Variants in PFAS observed in about 807,000 individuals in gnomAD.
PFAS encodes the protein phosphoribosylformylglycinamidine synthase, also known as FGAM synthase.
Under a neutral mutation model 140.6 loss-of-function variants are expected in PFAS, and 97 were observed. The observed-to-expected ratio is 0.69, with a 90% CI of 0.59 to 0.82. PFAS has a LOEUF of 0.82. Among genes scored for constraint, PFAS ranks in the 40% least tolerant of loss-of-function variants. PFAS has a pLI of 0.00. For synonymous variants in PFAS, 679 were observed against 718.8 expected, an observed-to-expected ratio of 0.94 and a Z score of 0.88; for missense variants, 1,656 against 1,780.2, an observed-to-expected ratio of 0.93 and a Z score of 1.26.
rs1449770338 is a variant in PFAS, at chr17:8,256,974, C to T, written c.1075+11C>T. On this transcript the variant is annotated intron_variant, in intron 9 of 27. Transcript: ENST00000314666. ...ATCTGCATATTCCAGGTTCCATCTCCTTCCTCTCTATCCACCTTCCCTTCC... is the reference window on the plus strand; with the variant it reads ...ATCTGCATATTCCAGGTTCCATCTCTTTCCTCTCTATCCACCTTCCCTTCC... The T allele has an allele frequency of 1.2e-6, 2 of 1,613,974 alleles. No individual in the cohort carries two copies. Among genetic ancestry groups the T allele is most frequent in the Non-Finnish European group, 8.5e-7 (1 of 1,179,890 alleles).
At chr17:8,254,145 C>T (rs773469212) in intron 2 of PFAS, 21 bp from the exon 3 acceptor site, 6 of 1,614,010 alleles carry the variant, frequency 3.7e-6, no homozygotes, top group South Asian at 1.1e-5. Context: ...CTCAAGGTGT[C>T]CTTGCCCTGT....
intron 26 of PFAS, 122 bp from the exon 27 acceptor site, chr17:8,268,411 A>T: frequency 3.2e-6 from 2 of 629,242 alleles, no homozygotes; most frequent in Non-Finnish European, 5.5e-6. Context: ...GGAAGGAAGG[A>T]GGGAGGGAGG....
rs1277050985 is a variant in PFAS, at chr17:8,265,359, C to T, written c.2352C>T (p.Ala784=). Residue 784 remains alanine, a synonymous_variant, in exon 19 of 28, where the codon GCC becomes GCT. Transcript: ENST00000314666. ...LPGEGAALAD[A]CEAMVAVMAA... ...GGGAGGGCGCAGCTTTGGCGGATGCCTGTGAGGCTATGGTGGCAGTGATGG... is the reference window on the plus strand; with the variant it reads ...GGGAGGGCGCAGCTTTGGCGGATGCTTGTGAGGCTATGGTGGCAGTGATGG... 2 of 1,614,160 alleles carry T rather than the reference C, an allele frequency of 1.2e-6. No homozygotes were observed. The highest frequency in any genetic ancestry group is 1.7e-6 in the Non-Finnish European group (2 of 1,180,032).
Position 8,258,068 on chromosome 17 carries a change from C to T in PFAS, c.1208-3C>T, listed in dbSNP as rs1989445665. 10 of 1,614,004 alleles carry T rather than the reference C, an allele frequency of 6.2e-6. No homozygotes were observed. Among genetic ancestry groups the T allele is most frequent in the Non-Finnish European group, 7.6e-6 (9 of 1,180,026 alleles). ...ACAGGTCCCTCTGATGTTCACACTC[C>T]AGGCTTCGCCCGCTCCTTGGGCCTC... On this transcript the variant is annotated splice_region_variant and splice_polypyrimidine_tract_variant and intron_variant, in intron 10 of 27. Coordinates refer to ENST00000314666, the MANE Select transcript of PFAS (RefSeq NM_012393.3).
At chr17:8,268,884 G>A in intron 27 of PFAS, 28 bp downstream of exon 27, 1 of 1,611,874 alleles carries the variant, frequency 6.2e-7, no homozygotes, top group Non-Finnish European at 8.5e-7. Flanking sequence ...CTGGGGGAGG[G>A]CCCGAGGGTT....
intron 1 of PFAS, among the ~76,000 whole-genome samples, chr17:8,249,724 A>G (rs1989070075): frequency 6.6e-6 from 1 of 152,224 alleles, no homozygotes; most frequent in Admixed American, 6.5e-5. Context: ...GTGGCTTAAT[A>G]AACAAAATGC....
chr17:8,250,268 T>C (rs1186619885), intron 1 of PFAS, among the ~76,000 whole-genome samples: 1 of 152,194 alleles, frequency 6.6e-6, no homozygotes, highest in Admixed American at 6.5e-5. Flanking sequence ...ATTTATACCA[T>C]GTGTAATGGG....
Position 8,268,853 on chromosome 17 carries a change from G to A in PFAS, c.3703G>A (p.Glu1235Lys). The A allele has an allele frequency of 1.2e-6, 2 of 1,609,780 alleles. No individual in the cohort carries two copies. The highest frequency in any genetic ancestry group is 1.7e-6 in the Non-Finnish European group (2 of 1,179,946). Residue 1235 changes from glutamate (E) to lysine (K), a missense_variant, in exon 27 of 28, where the codon GAA (glutamate) becomes AAA (lysine). By Grantham distance (56) the Glu-to-Lys change is moderately conservative. Around this residue, in one of 2 missense-constraint regions of PFAS, gnomAD observed 883 missense variants for 1,023.0 expected, o/e 0.86. Transcript: ENST00000314666. ...AVLPVWSAHG[E>K]GYVAFSSPEL... ...GCTGCCCGTGTGGAGTGCGCACGGG[G>A]AAGGTCAGGCCCAAGGAAGGCTGGG...
Position 8,269,013 on chromosome 17 carries a change from C to G in PFAS, c.3766C>G (p.Pro1256Ala), listed in dbSNP as rs1176860620. The change falls in exon 28 of 28, where the codon CCA (proline) becomes GCA (alanine). Residue 1256 changes from proline (P) to alanine (A), a missense_variant. This residue lies in a region of PFAS where 883 missense variants were observed against 1,023.0 expected (regional missense o/e 0.86). Transcript: ENST00000314666. ...TCAGATTGAGGCCAGGGGCTTGGCT[C>G]CACTGCACTGGGCTGATGATGACGG... is the stretch of plus-strand genomic sequence containing the variant. Reference protein sequence around the residue: ...QAQIEARGLAPLHWADDDGNP... With the variant: ...QAQIEARGLAALHWADDDGNP... The G allele has an allele frequency of 1.2e-6, 2 of 1,614,196 alleles. No homozygotes were observed. Among genetic ancestry groups the G allele is most frequent in the South Asian group, 2.2e-5 (2 of 91,084 alleles).
In PFAS at chr17:8,263,896, GC is replaced by G. The variant is rs769693623; in HGVS notation, c.1754del (p.Pro585ArgfsTer14). 1.9e-6 allele frequency: 3 copies of G among 1,613,784 alleles called. No individual in the cohort carries two copies. ...ACTCATGTCAGTGCCCGTGAACGTT[GC>G]CCGGCTTGCTTCGTGGGCACCATCA... ...FLTHVSARER[C>X]PACFVGTITG... On this transcript the variant is annotated frameshift_variant, in exon 15 of 28. Coordinates refer to ENST00000314666, the MANE Select transcript of PFAS (RefSeq NM_012393.3). LOFTEE classifies it high-confidence loss of function.
In PFAS at chr17:8,254,264, C is replaced by G; in HGVS notation, c.241C>G (p.Pro81Ala). ...DDVARESWLL[P>A]GSNDLLLEVG... ...TGTTGCTCGGGAGTCCTGGCTCCTT[C>G]CTGGCTCCAATGACCTGCTGCTGGA... Residue 81 changes from proline (P) to alanine (A), a missense_variant, in exon 3 of 28, where the codon CCT becomes GCT. Pro to Ala is a conservative substitution (Grantham distance 27, BLOSUM62 -1). Around this residue, in one of 2 missense-constraint regions of PFAS, gnomAD observed 773 missense variants for 757.3 expected, o/e 1.02. Transcript: ENST00000314666. 6.2e-7 allele frequency: 1 copy of G among 1,614,138 alleles called. No homozygotes were observed. The highest frequency in any genetic ancestry group is 8.5e-7 in the Non-Finnish European group (1 of 1,180,018).
Position 8,266,956 on chromosome 17 carries a change from GT to G in PFAS, c.2967+59del, listed in dbSNP as rs1989840858. On this transcript the variant is annotated intron_variant, in intron 23 of 27. Transcript: ENST00000314666. This position sits in a 1 kb window ranked among gnomAD's most constrained non-coding sequence, Gnocchi z 5.0. ...GGGCAGTCAGAGTGGGGTGGCCGCGGTCCATCCCTCTCCCACTGTGGAGGGG... is the reference window on the plus strand; with the variant it reads ...GGGCAGTCAGAGTGGGGTGGCCGCGGCCATCCCTCTCCCACTGTGGAGGGG... 3 of 1,602,514 alleles carry G rather than the reference GT, an allele frequency of 1.9e-6. No homozygotes were observed. The highest frequency in any genetic ancestry group is 2.6e-6 in the Non-Finnish European group (3 of 1,176,360).
intron 18 of PFAS, 36 bp downstream of exon 18, chr17:8,265,161 G>C (rs200008252): frequency 3.2e-6 from 5 of 1,584,728 alleles, no homozygotes; most frequent in Non-Finnish European, 2.6e-6. Flanking sequence ...TGGAGCCCCC[G>C]GGCTTCAGGA....
chr17:8,267,077 A>G lies in PFAS; in HGVS notation c.3017A>G (p.Glu1006Gly). Reference protein sequence around the residue: ...GAVVLEEPVGELRALWEETSF... With the variant: ...GAVVLEEPVGGLRALWEETSF... ...GTGGTTCTGGAGGAGCCTGTTGGGG[A>G]GCTGCGAGCCCTCTGGGAGGAGACG... The change falls in exon 24 of 28, where the codon GAG becomes GGG. Residue 1006 changes from glutamate to glycine, a missense_variant. Physicochemically the swap from Glu to Gly is moderately conservative, Grantham distance 98. This residue lies in a region of PFAS where 883 missense variants were observed against 1,023.0 expected (regional missense o/e 0.86). Transcript: ENST00000314666. The surrounding 1 kb of genome is among the most constrained non-coding windows in gnomAD (Gnocchi z 4.9). 1.9e-6 allele frequency: 3 copies of G among 1,613,856 alleles called. No individual in the cohort carries two copies. The highest frequency in any genetic ancestry group is 2.2e-5 in the South Asian group (2 of 91,070).
At chr17:8,251,930 C>T (rs546644914) in intron 1 of PFAS, among the ~76,000 whole-genome samples, 1 of 152,122 alleles carries the variant, frequency 6.6e-6, no homozygotes, top group South Asian at 2.1e-4. Flanking sequence ...CTCTTGGCCT[C>T]CTAAAGTGCT....
rs1413286983 is a variant in PFAS, at chr17:8,268,772, A to G, written c.3622A>G (p.Ser1208Gly). The G allele has an allele frequency of 3.1e-6, 5 of 1,610,510 alleles. No individual in the cohort carries two copies. In the African/African-American group the frequency reaches 5.3e-5, roughly 17 times the overall value. Reference sequence around the variant, plus strand: ...TGGGCGCTACGAGTCTCGCTGGGCCAGCGTGCGTGTGGGGCCTGGGCCAGC... The same window carrying G: ...TGGGCGCTACGAGTCTCGCTGGGCCGGCGTGCGTGTGGGGCCTGGGCCAGC... ...LSGRYESRWASVRVGPGPALM... is the reference protein window; with the variant it reads ...LSGRYESRWAGVRVGPGPALM... The change falls in exon 27 of 28, where the codon AGC becomes GGC. Residue 1208 changes from serine to glycine, a missense_variant. Coordinates refer to ENST00000314666, the MANE Select transcript of PFAS (RefSeq NM_012393.3).
chr17:8,251,829 G>A (rs1187385856), intron 1 of PFAS, among the ~76,000 whole-genome samples: 2 of 151,380 alleles, frequency 1.3e-5, no homozygotes, highest in Non-Finnish European at 2.9e-5. Flanking sequence ...TTGCCACCAC[G>A]CCCGGCTAAT....
At position 8,265,143 on chromosome 17, in the gene PFAS, T is replaced by G. The variant is rs1597428097; in HGVS notation, c.2280+18T>G. 1 of 1,601,668 alleles carries G rather than the reference T, an allele frequency of 6.2e-7. No individual in the cohort carries two copies. Among genetic ancestry groups the G allele is most frequent in the East Asian group, 2.2e-5 (1 of 44,640 alleles). ...ACCTCCGGGTGAGTTCTCCCACAGC[T>G]TCTATCCTGGAGCCCCCGGGCTTCA... On this transcript the variant is annotated intron_variant, in intron 18 of 27. Transcript: ENST00000314666.
chr17:8,256,181 T>C (rs1989354784), intron 6 of PFAS, 86 bp from the exon 7 acceptor site: 1 of 1,319,848 alleles, frequency 7.6e-7, no homozygotes, highest in Non-Finnish European at 1.1e-6. Flanking sequence ...GCTGTAACTC[T>C]GCTGTTAAAT....
Sources: allele counts gnomAD v4.1 joint callset (sites outside exome capture counted in the v4.1 genomes callset), GRCh38; gene constraint gnomAD v4.1.1; regional missense constraint gnomAD v4.1.1; non-coding constraint Gnocchi (gnomAD v3.1); transcripts MANE v1.5; gene names NCBI Gene and HGNC (gene_info 2026-07-23, HGNC 2026-07-21).